Variants in GMDS observed in about 807,000 individuals in gnomAD.
GMDS encodes the protein GDP-mannose 4,6 dehydratase.
A neutral mutation model predicts 49.9 loss-of-function variants in GMDS; 20 were observed. The ratio of observed to expected loss-of-function variants is 0.40; its 90% CI spans 0.28 to 0.58. GMDS has a LOEUF of 0.58. Among genes scored for constraint, GMDS ranks in the 20% least tolerant of loss-of-function variants. GMDS has a pLI of 0.42. For missense variants in GMDS, 362 were observed against 481.4 expected (o/e 0.75, Z 2.32); for synonymous variants, 177 against 178.6 (o/e 0.99, Z 0.07).
chr6:1,969,447 A>G (rs995454718), intron 4 of GMDS, among the ~76,000 whole-genome samples: 1 of 152,138 alleles, frequency 6.6e-6, no homozygotes, highest in African/African-American at 2.4e-5. Flanking sequence ...CAAACACAGC[A>G]GAAGAGAAGT....
chr6:2,244,691 G>T (rs188896758), intron 1 of GMDS, among the ~76,000 whole-genome samples: 2 of 152,086 alleles, frequency 1.3e-5, no homozygotes, highest in African/African-American at 4.8e-5. Flanking sequence ...AGTGTGCCTC[G>T]GATACACTTC....
chr6:1,878,079 C>T (rs777445788), intron 7 of GMDS, among the ~76,000 whole-genome samples: 24 of 152,038 alleles, frequency 1.6e-4, no homozygotes, highest in African/African-American at 3.9e-4. Flanking sequence ...TCTGGGAGGC[C>T]GAGGTGGGCA....
At chr6:2,079,527 A>T (rs1184712226) in intron 4 of GMDS, among the ~76,000 whole-genome samples, 2 of 152,104 alleles carry the variant, frequency 1.3e-5, no homozygotes, top group Non-Finnish European at 2.9e-5. Flanking sequence ...CCCTTAAGCA[A>T]TTTCTGGGGA....
At chr6:2,118,770 A>G (rs1435253686) in intron 2 of GMDS, among the ~76,000 whole-genome samples, 1 of 152,206 alleles carries the variant, frequency 6.6e-6, no homozygotes, top group Non-Finnish European at 1.5e-5. Context: ...GGAACTTCGC[A>G]AACTTGGTTT....
intron 7 of GMDS, among the ~76,000 whole-genome samples, chr6:1,743,661 C>T (rs896167531): frequency 2.0e-5 from 3 of 152,014 alleles, no homozygotes; most frequent in Non-Finnish European, 4.4e-5. Context: ...ACCAGCGCAG[C>T]CCCGCTCCCC....
chr6:1,984,450 G>A (rs192689584), intron 4 of GMDS, among the ~76,000 whole-genome samples: 2 of 150,370 alleles, frequency 1.3e-5, no homozygotes, highest in Admixed American at 1.3e-4. Flanking sequence ...TCTAATGAGA[G>A]GTATAATTAA....
intron 7 of GMDS, among the ~76,000 whole-genome samples, chr6:1,907,068 A>G (rs1255889571): frequency 2.0e-5 from 3 of 152,068 alleles, no homozygotes; most frequent in Admixed American, 1.3e-4. Context: ...TTTTTCTGTC[A>G]TTGTCTCACA....
At chr6:2,200,678 G>A (rs1779477279) in intron 1 of GMDS, among the ~76,000 whole-genome samples, 1 of 149,066 alleles carries the variant, frequency 6.7e-6, no homozygotes, top group Admixed American at 6.7e-5. Flanking sequence ...AACCATCTAG[G>A]CAGTGAGGGC....
chr6:1,858,087 G>A (rs1044932136), intron 7 of GMDS, among the ~76,000 whole-genome samples: 9 of 152,134 alleles, frequency 5.9e-5, no homozygotes, highest in African/African-American at 9.7e-5. Flanking sequence ...TAAGAGTAAA[G>A]TTACAGAGTT....
At chr6:1,803,660 C>A (rs1282757862) in intron 7 of GMDS, among the ~76,000 whole-genome samples, 1 of 152,078 alleles carries the variant, frequency 6.6e-6, no homozygotes, top group Non-Finnish European at 1.5e-5. Flanking sequence ...AGATGCCAGG[C>A]CAATAATTAA....
chr6:2,185,372 C>T (rs1778732904), intron 1 of GMDS, among the ~76,000 whole-genome samples: 1 of 152,194 alleles, frequency 6.6e-6, no homozygotes, highest in South Asian at 2.1e-4. Flanking sequence ...CCATTTCTTC[C>T]TCAAAACTAC....
At chr6:2,038,182 A>G (rs894303259) in intron 4 of GMDS, among the ~76,000 whole-genome samples, 3 of 152,146 alleles carry the variant, frequency 2.0e-5, no homozygotes, top group Non-Finnish European at 4.4e-5. Context: ...CTCCTGACAC[A>G]AAGCTGGTTT....
intron 4 of GMDS, among the ~76,000 whole-genome samples, chr6:2,037,629 A>G (rs1581554212): frequency 6.6e-6 from 1 of 152,328 alleles, no homozygotes; most frequent in Non-Finnish European, 1.5e-5. Context: ...TTCACCTCAA[A>G]TTATGTCTTT....
intron 1 of GMDS, among the ~76,000 whole-genome samples, chr6:2,212,501 G>T (rs1263833596): frequency 6.6e-6 from 1 of 152,032 alleles, no homozygotes; most frequent in African/African-American, 2.4e-5. Context: ...CAAGTTATAG[G>T]ATATTCCTTA....
At chr6:2,165,353 C>A (rs1292176652) in intron 1 of GMDS, among the ~76,000 whole-genome samples, 1 of 152,188 alleles carries the variant, frequency 6.6e-6, no homozygotes, top group Non-Finnish European at 1.5e-5. Flanking sequence ...GCTTTGAGAC[C>A]TGAGAACAGC....
chr6:1,789,192 C>G (rs375410873), intron 7 of GMDS, among the ~76,000 whole-genome samples: 2 of 152,302 alleles, frequency 1.3e-5, no homozygotes, highest in African/African-American at 4.8e-5. Context: ...GATGCATCAC[C>G]CCCTTATTAC....
chr6:1,757,718 C>CT (rs1398928599), intron 7 of GMDS, among the ~76,000 whole-genome samples: 1 of 152,186 alleles, frequency 6.6e-6, no homozygotes, highest in East Asian at 1.9e-4. Flanking sequence ...AAAATATCAA[C>CT]TTATGGACAT....
intron 9 of GMDS, among the ~76,000 whole-genome samples, chr6:1,631,389 C>A (rs1435410939): frequency 6.6e-6 from 1 of 152,054 alleles, no homozygotes; most frequent in Admixed American, 6.5e-5. Context: ...TCTAGGAATG[C>A]CTACCTAGGC....
In GMDS at chr6:1,735,047, A is replaced by G. The variant is rs139974752; in HGVS notation, c.890+7421T>C. ...ATTTATATTTACCCAACTGGGGCAT[A>G]TTAGCCACCCCCAGTGGATAAGGAT... On this transcript the variant is annotated intron_variant, in intron 8 of 10. Coordinates refer to ENST00000380815, the MANE Select transcript of GMDS (RefSeq NM_001500.4). Among the ~76,000 whole-genome samples, 361 of 152,318 alleles carry G rather than the reference A, an allele frequency of 2.4e-3. 1 individual carries two copies. Among genetic ancestry groups the G allele is most frequent in the African/African-American group, 7.6e-3 (314 of 41,576 alleles).
Sources: gnomAD v4.1 joint callset for allele counts (sites outside exome capture counted in the v4.1 genomes callset) on GRCh38, gnomAD v4.1.1 for gene constraint, MANE v1.5 for transcripts, NCBI Gene and HGNC (gene_info 2026-07-23, HGNC 2026-07-21) for gene names.